Variants in PIR observed in about 807,000 individuals in gnomAD.
The protein encoded by PIR is pirin, also known as pirin (iron-binding nuclear protein).
In PIR, 22 loss-of-function variants were observed where a neutral mutation model predicts 24.2. The observed-to-expected ratio is 0.91, with a 90% CI of 0.65 to 1.30. The LOEUF (loss-of-function observed/expected upper bound fraction) is 1.30. Ranked by LOEUF, PIR falls within the 50% of genes most tolerant of loss-of-function variation. PIR has a pLI of 0.00. For missense variants in PIR, 220 were observed against 220.3 expected, an observed-to-expected ratio of 1.00 and a Z score of 0.01; for synonymous variants, 80 against 79.6, an observed-to-expected ratio of 1.00 and a Z score of -0.03.
At chrX:15,412,567 C>G (rs922093491) in intron 6 of PIR, among the ~76,000 whole-genome samples, 1 of 112,031 alleles carries the variant, frequency 8.9e-6, no homozygotes, top group Non-Finnish European at 1.9e-5. Flanking sequence ...ATTTTCTACA[C>G]GCGTAAATTG....
intron 7 of PIR, among the ~76,000 whole-genome samples, chrX:15,399,893 T>C (rs1342036706): frequency 1.8e-5 from 2 of 111,140 alleles, no homozygotes; most frequent in Admixed American, 9.6e-5. Flanking sequence ...GAAAGGTCCA[T>C]GGCAGTAAAA....
chrX:15,402,670 C>T (rs970768648), intron 7 of PIR, among the ~76,000 whole-genome samples: 1 of 110,147 alleles, frequency 9.1e-6, no homozygotes, highest in African/African-American at 3.3e-5. Flanking sequence ...CCTGCCCAGC[C>T]CCCAACTACC....
At chrX:15,472,849 C>T (rs1285503662) in intron 3 of PIR, among the ~76,000 whole-genome samples, 1 of 112,365 alleles carries the variant, frequency 8.9e-6, no homozygotes, top group Non-Finnish European at 1.9e-5. Flanking sequence ...ACACCATCTT[C>T]TTTGGGTACT....
chrX:15,470,086 G>T (rs1038145504), intron 3 of PIR, among the ~76,000 whole-genome samples: 1 of 111,862 alleles, frequency 8.9e-6, no homozygotes, highest in Non-Finnish European at 1.9e-5. Context: ...TGTTCCAGAA[G>T]GAGTGGTAGC....
At chrX:15,477,940 A>G (rs1389286060) in intron 3 of PIR, among the ~76,000 whole-genome samples, 1 of 111,144 alleles carries the variant, frequency 9.0e-6, no homozygotes, top group African/African-American at 3.3e-5. Flanking sequence ...TAAAAGAGCC[A>G]AACATTAATA....
intron 3 of PIR, among the ~76,000 whole-genome samples, chrX:15,463,738 G>A (rs1186829912): frequency 8.9e-6 from 1 of 112,214 alleles, no homozygotes; most frequent in Non-Finnish European, 1.9e-5. Context: ...ATTTGTATGG[G>A]AAATTAATAT....
intron 3 of PIR, among the ~76,000 whole-genome samples, chrX:15,469,648 G>A (rs1195662029): frequency 1.8e-5 from 2 of 111,407 alleles, no homozygotes; most frequent in African/African-American, 6.5e-5. Context: ...TTAAGGTAGG[G>A]TGGGGAGAAA....
At chrX:15,486,917 C>T (rs765381366) in intron 2 of PIR, among the ~76,000 whole-genome samples, 116 of 112,120 alleles carry the variant, frequency 1.0e-3, no homozygotes, top group African/African-American at 3.6e-3. Flanking sequence ...ACAGTTGAAC[C>T]TAATCCTAAC....
intron 6 of PIR, among the ~76,000 whole-genome samples, chrX:15,412,073 TA>T (rs780021193): frequency 5.6e-4 from 63 of 112,216 alleles, no homozygotes; most frequent in African/African-American, 2.0e-3. Context: ...TACAAAAGTA[TA>T]GTGCACTTAT....
At chrX:15,475,897 C>T (rs1043944898) in intron 3 of PIR, among the ~76,000 whole-genome samples, 2 of 112,199 alleles carry the variant, frequency 1.8e-5, no homozygotes, top group African/African-American at 6.5e-5. Context: ...CCCTAGAGTA[C>T]GCCTTCTCAA....
chrX:15,451,143 C>T (rs954878007), intron 5 of PIR, among the ~76,000 whole-genome samples: 14 of 111,837 alleles, frequency 1.3e-4, no homozygotes, highest in Admixed American at 1.9e-4. Flanking sequence ...TCTTCCAATG[C>T]TTGTACAGCT....
intron 6 of PIR, among the ~76,000 whole-genome samples, chrX:15,421,658 T>TAA (rs60869715): frequency 1.1e-5 from 1 of 93,166 alleles, no homozygotes. Context: ...AAGTCTCCCA[T>TAA]AAAAAAAAAA....
At chrX:15,432,744 A>G (rs963586006) in intron 5 of PIR, among the ~76,000 whole-genome samples, 1 of 112,520 alleles carries the variant, frequency 8.9e-6, no homozygotes, top group African/African-American at 3.2e-5. Flanking sequence ...AGATGTCTTA[A>G]GCTACTATAT....
intron 5 of PIR, among the ~76,000 whole-genome samples, chrX:15,436,365 G>A (rs907044277): frequency 1.4e-4 from 16 of 112,040 alleles, no homozygotes. Context: ...GGGACTCACA[G>A]TACTGAAATT....
At chrX:15,432,093 T>C (rs1454246547) in intron 5 of PIR, among the ~76,000 whole-genome samples, 4 of 111,132 alleles carry the variant, frequency 3.6e-5, no homozygotes, top group African/African-American at 6.5e-5. Flanking sequence ...GAGGGCTTAG[T>C]ATGTACCAGG....
At chrX:15,438,603 C>T (rs1925819516) in intron 5 of PIR, among the ~76,000 whole-genome samples, 1 of 112,099 alleles carries the variant, frequency 8.9e-6, no homozygotes, top group African/African-American at 3.2e-5. Context: ...TACATGCCTC[C>T]TCAGAGTCGC....
At chrX:15,483,381 T>G (rs1922619741) in intron 2 of PIR, among the ~76,000 whole-genome samples, 1 of 110,850 alleles carries the variant, frequency 9.0e-6, no homozygotes, top group Non-Finnish European at 1.9e-5. Flanking sequence ...AGGCTTCAAT[T>G]TAAAGATATG....
intron 5 of PIR, among the ~76,000 whole-genome samples, chrX:15,434,377 A>G (rs1925676289): frequency 9.5e-6 from 1 of 105,105 alleles, no homozygotes; most frequent in African/African-American, 3.5e-5. Flanking sequence ...AGGAGGAGAA[A>G]AAAGAAGGAG....
intron 5 of PIR, among the ~76,000 whole-genome samples, chrX:15,440,778 A>T (rs190503636): frequency 2.5e-3 from 282 of 111,480 alleles, no homozygotes; most frequent in African/African-American, 7.9e-3. Flanking sequence ...TTTTCTTAAG[A>T]TCTGGTGCCT....
Sources: gnomAD v4.1 joint callset for allele counts (sites outside exome capture counted in the v4.1 genomes callset) on GRCh38, gnomAD v4.1.1 for gene constraint, MANE v1.5 for transcripts, NCBI Gene and HGNC (gene_info 2026-07-23, HGNC 2026-07-21) for gene names.